Variants in PHC2 observed in about 807,000 individuals in gnomAD.
PHC2 encodes the protein polyhomeotic homolog 2, also known as polyhomeotic-like protein 2.
In PHC2, 29 loss-of-function variants were observed where a neutral mutation model predicts 87.4. The observed-to-expected ratio is 0.33, with a 90% CI of 0.25 to 0.45. The LOEUF (loss-of-function observed/expected upper bound fraction) is 0.45, where lower values mean the gene tolerates loss of function less well. Among genes scored for constraint, PHC2 ranks in the 20% least tolerant of loss-of-function variants. The pLI is 1.00. For missense variants in PHC2, 857 were observed against 1,136.7 expected (o/e 0.75, Z 3.54); for synonymous variants, 438 against 461.7 (o/e 0.95, Z 0.66).
At chr1:33,346,933 TAG>T (rs1331842915) in intron 9 of PHC2, 1 of 985,208 alleles carries the variant, frequency 1.0e-6, no homozygotes, top group Admixed American at 6.1e-5. Context: ...TAAGAAAATG[TAG>T]AGAGGGGACA....
At chr1:33,325,143 A>ACAG in intron 14 of PHC2, 124 bp from the exon 15 acceptor site, 1 of 962,294 alleles carries the variant, frequency 1.0e-6, no homozygotes. Flanking sequence ...CCTCATAACC[A>ACAG]CGCCTTGAGG....
intron 2 of PHC2, among the ~76,000 whole-genome samples, chr1:33,374,761 G>A (rs1648064407): frequency 2.6e-5 from 4 of 152,186 alleles, no homozygotes. Context: ...TTACCTGAAT[G>A]ACCTTGAACA....
At chr1:33,408,229 C>T in intron 1 of PHC2, among the ~76,000 whole-genome samples, 1 of 152,162 alleles carries the variant, frequency 6.6e-6, no homozygotes, top group East Asian at 1.9e-4. Context: ...ATCAGTTAGT[C>T]TATTTTTGTC....
In PHC2 at chr1:33,368,011, C is replaced by CAT. The variant is rs1647585513; in HGVS notation, c.663+524_663+525insAT. On this transcript the variant is annotated intron_variant, in intron 6 of 14. Transcript: ENST00000683057. This position sits in a 1 kb window ranked among gnomAD's most constrained non-coding sequence, Gnocchi z 6.6. The stretch of plus-strand genomic sequence containing the variant: ...TCCGGCTACCAGCCCTGTCCCATCA[C>CAT]CCTCCCCATTCCGTAGATGAGGATG... Among the ~76,000 whole-genome samples the CAT allele has an allele frequency of 6.6e-6, 1 of 152,202 alleles. No individual in the cohort carries two copies.
chr1:33,415,503 G>C (rs1650168677), intron 1 of PHC2, among the ~76,000 whole-genome samples: 1 of 152,116 alleles, frequency 6.6e-6, no homozygotes, highest in Non-Finnish European at 1.5e-5. Context: ...AAGGATCAAA[G>C]TAATCCTAGG....
intron 1 of PHC2, among the ~76,000 whole-genome samples, chr1:33,404,300 A>C (rs1315594987): frequency 6.6e-6 from 1 of 152,178 alleles, no homozygotes; most frequent in Admixed American, 6.5e-5. Flanking sequence ...CTTCCTAGGA[A>C]AAGGTTGAAA....
chr1:33,365,239 G>A (rs1487686529), intron 7 of PHC2, among the ~76,000 whole-genome samples: 7 of 152,166 alleles, frequency 4.6e-5, no homozygotes, highest in South Asian at 2.1e-4. Flanking sequence ...TTAAAGAAGC[G>A]TGATGCATAC....
chr1:33,362,050 C>A (rs1237511002), intron 7 of PHC2, among the ~76,000 whole-genome samples: 1 of 152,246 alleles, frequency 6.6e-6, no homozygotes, highest in South Asian at 2.1e-4. Context: ...GCTTTTCCCA[C>A]TGTAACGCTC....
intron 1 of PHC2, among the ~76,000 whole-genome samples, chr1:33,420,442 A>C (rs1319352704): frequency 6.6e-6 from 1 of 152,148 alleles, no homozygotes; most frequent in Non-Finnish European, 1.5e-5. Flanking sequence ...AGTTATAACT[A>C]AAGGAAGATT....
chr1:33,393,052 T>C (rs1557843653), intron 1 of PHC2, among the ~76,000 whole-genome samples: 1 of 152,110 alleles, frequency 6.6e-6, no homozygotes, highest in Non-Finnish European at 1.5e-5. Flanking sequence ...GTCCCCTCTA[T>C]CCTGTACCCC....
chr1:33,418,201 C>T (rs534269563), intron 1 of PHC2, among the ~76,000 whole-genome samples: 10 of 151,638 alleles, frequency 6.6e-5, no homozygotes, highest in Admixed American at 2.0e-4. Flanking sequence ...GCAAAGCAAA[C>T]AAAAGGAAGG....
chr1:33,375,287 C>CA, intron 2 of PHC2, 79 bp downstream of exon 2: 1 of 1,225,616 alleles, frequency 8.2e-7, no homozygotes, highest in Non-Finnish European at 1.1e-6. Context: ...ATTATCCCAC[C>CA]AGACCATGCC....
intron 1 of PHC2, among the ~76,000 whole-genome samples, chr1:33,425,848 C>T (rs771313637): frequency 6.6e-6 from 1 of 152,114 alleles, no homozygotes; most frequent in Non-Finnish European, 1.5e-5. Flanking sequence ...TTTCTTCTCA[C>T]GTTTTCTTAG....
At chr1:33,352,729 A>G (rs1304109008) in intron 9 of PHC2, among the ~76,000 whole-genome samples, 1 of 152,190 alleles carries the variant, frequency 6.6e-6, no homozygotes, top group Non-Finnish European at 1.5e-5. Flanking sequence ...CTCTGTGAAC[A>G]ACAGTGTCAT....
chr1:33,349,105 G>A lies in PHC2; in HGVS notation c.1558+5296C>T, dbSNP rs917277957. ...ACGCTCTTCTAAAAATGGAAGAAAA[G>A]ACACAGAACAGCTTGTCCCTTTCCA... is the stretch of plus-strand genomic sequence containing the variant. On this transcript the variant is annotated intron_variant, in intron 9 of 14. Transcript: ENST00000683057. The surrounding 1 kb of genome is among the most constrained non-coding windows in gnomAD (Gnocchi z 4.2). 5 of 985,284 alleles carry A rather than the reference G, an allele frequency of 5.1e-6. No homozygotes were observed. The Admixed American group carries it at 1.8e-4, about 36-fold the overall frequency. The allele number at this position is 985,284 out of a possible 1,614,324, so 61.0% of individuals were successfully genotyped here.
At chr1:33,342,276 T>C (rs1178699202) in intron 9 of PHC2, among the ~76,000 whole-genome samples, 1 of 152,212 alleles carries the variant, frequency 6.6e-6, no homozygotes, top group Non-Finnish European at 1.5e-5. Context: ...ATTTTAAGCA[T>C]CTGTGTTGAC....
chr1:33,416,533 G>A (rs902346465), intron 1 of PHC2, among the ~76,000 whole-genome samples: 10 of 136,830 alleles, frequency 7.3e-5, no homozygotes, highest in East Asian at 6.8e-4. Context: ...CCGAGATCAC[G>A]CCACTGCACT....
chr1:33,404,277 C>T lies in PHC2; in HGVS notation c.-55+26699G>A, dbSNP rs1649663580. ...TTTTTCCATCTATAGAATAAAATAA[C>T]TCACTTTCTTTTCTTCCTAGGAAAA... On this transcript the variant is annotated intron_variant, in intron 1 of 14. Transcript: ENST00000683057. Among the ~76,000 whole-genome samples, 3 of 152,046 alleles carry T rather than the reference C, an allele frequency of 2.0e-5. No individual in the cohort carries two copies. The South Asian group carries it at 6.2e-4, about 32-fold the overall frequency.
Position 33,367,370 on chromosome 1 carries a change from G to A in PHC2, c.722C>T (p.Thr241Ile), listed in dbSNP as rs1300070282. ...GCTGGGCAGGACAGGCTGAGTGGGG[G>A]TGGGGCCCGAGGCTGCTGCCGCTGG... Reference protein sequence around the residue: ...QTPAAAASGPTPTQPVLPSLA... With the variant: ...QTPAAAASGPIPTQPVLPSLA... The change falls in exon 7 of 15, where the codon ACC becomes ATC. Residue 241 changes from threonine (T) to isoleucine (I), a missense_variant. By Grantham distance (89) the Thr-to-Ile change is moderately conservative. Transcript: ENST00000683057. 6.2e-7 allele frequency: 1 copy of A among 1,607,734 alleles called. No homozygotes were observed. The highest frequency in any genetic ancestry group is 2.2e-5 in the East Asian group (1 of 44,682).
Sources: gnomAD v4.1 joint callset for allele counts (sites outside exome capture counted in the v4.1 genomes callset) on GRCh38, gnomAD v4.1.1 for gene constraint, Gnocchi (gnomAD v3.1) non-coding constraint, MANE v1.5 for transcripts, NCBI Gene and HGNC (gene_info 2026-07-23, HGNC 2026-07-21) for gene names.